ADAMTS20: variants seen among roughly 807,000 people sequenced by gnomAD.
The protein encoded by ADAMTS20 is ADAM metallopeptidase with thrombospondin type 1 motif 20, also known as A disintegrin and metalloproteinase with thrombospondin motifs 20.
In ADAMTS20, 225 loss-of-function variants were observed where a neutral mutation model predicts 260.1. That is an observed-to-expected ratio of 0.87 (90% CI 0.78 to 0.97). ADAMTS20 has a LOEUF of 0.97. Among genes scored for constraint, ADAMTS20 ranks in the 50% least tolerant of loss-of-function variants. The pLI, the probability that ADAMTS20 is intolerant of heterozygous loss-of-function variation, is 0.00. For synonymous variants in ADAMTS20, 802 were observed against 769.5 expected (o/e 1.04, Z -0.70); for missense variants, 2,400 against 2,337.7 (o/e 1.03, Z -0.55).
chr12:43,471,154 C>A (rs984851690), intron 7 of ADAMTS20, among the ~76,000 whole-genome samples: 3 of 152,088 alleles, frequency 2.0e-5, no homozygotes, highest in Non-Finnish European at 4.4e-5. Flanking sequence ...CGAAGCAGGG[C>A]GAGGCATTGC....
intron 7 of ADAMTS20, among the ~76,000 whole-genome samples, chr12:43,489,533 T>G (rs138687991): frequency 9.5e-4 from 144 of 151,902 alleles, no homozygotes; most frequent in African/African-American, 3.2e-3. Flanking sequence ...AAAAGAAAAT[T>G]CTAATGGTAA....
At chr12:43,376,355 T>A (rs1294415231) in intron 33 of ADAMTS20, 25 bp from the exon 34 acceptor site, 1 of 1,512,904 alleles carries the variant, frequency 6.6e-7, no homozygotes, top group East Asian at 2.5e-5. Flanking sequence ...TAACACAACT[T>A]AACACAGAGC....
chr12:43,452,599 C>G lies in ADAMTS20; in HGVS notation c.1857G>C (p.Glu619Asp). 1 of 1,613,506 alleles carries G rather than the reference C, an allele frequency of 6.2e-7. No individual in the cohort carries two copies. The highest frequency in any genetic ancestry group is 8.5e-7 in the Non-Finnish European group (1 of 1,179,720). ...SCPKGTQDFR[E>D]KQCSDFNGKH... ...TACCATTAAAATCAGAGCACTGCTT[C>G]TCTCGAAAGTCTTGTGTGCCTTTTG... Residue 619 changes from glutamate to aspartate, a missense_variant, in exon 13 of 39, where the codon GAG (glutamate) becomes GAC (aspartate). Physicochemically the swap from Glu to Asp is conservative, Grantham distance 45. Transcript: ENST00000389420.
intron 36 of ADAMTS20, among the ~76,000 whole-genome samples, chr12:43,371,080 C>G (rs986303960): frequency 2.0e-5 from 3 of 152,212 alleles, no homozygotes; most frequent in Non-Finnish European, 4.4e-5. Context: ...CACTGTTCTT[C>G]ATGATCTGCT....
At position 43,432,506 on chromosome 12, in the gene ADAMTS20, A is replaced by G. The variant is rs373864763; in HGVS notation, c.2932-38T>C. 4.3e-5 allele frequency: 68 copies of G among 1,593,992 alleles called. No homozygotes were observed. The East Asian group carries it at 5.6e-4, about 13-fold the overall frequency. ...AAAAAAGTGGTAACTAATGGAAAAA[A>G]ATCAGATTTTCAACAAAATTATACT... On this transcript the variant is annotated intron_variant, in intron 20 of 38. Transcript: ENST00000389420.
chr12:43,497,625 T>C (rs1444757385), intron 4 of ADAMTS20, among the ~76,000 whole-genome samples: 1 of 152,148 alleles, frequency 6.6e-6, no homozygotes, highest in Non-Finnish European at 1.5e-5. Context: ...ACCTGAAGTA[T>C]GAAAGCATAT....
At chr12:43,385,552 G>C (rs1385643351) in intron 29 of ADAMTS20, among the ~76,000 whole-genome samples, 2 of 152,058 alleles carry the variant, frequency 1.3e-5, no homozygotes, top group Non-Finnish European at 2.9e-5. Flanking sequence ...GTATTTCCTA[G>C]GTTTTCTTTT....
chr12:43,471,728 T>C lies in ADAMTS20; in HGVS notation c.1118-3023A>G, dbSNP rs1345418501. On this transcript the variant is annotated intron_variant, in intron 7 of 38. Transcript: ENST00000389420. Reference sequence around the variant, plus strand: ...GAGGCACCCCCCAGCAGGGGCACACTGACACCTCACATGGCAGGGTATTCC... The same window carrying C: ...GAGGCACCCCCCAGCAGGGGCACACCGACACCTCACATGGCAGGGTATTCC... Among the ~76,000 whole-genome samples the C allele has an allele frequency of 4.2e-5, 6 of 143,934 alleles. No individual in the cohort carries two copies. In the South Asian group the frequency reaches 9.6e-4, roughly 23 times the overall value. 94.4% of individuals were successfully genotyped at this position (143,934 alleles called of 152,430 possible). A position where few individuals can be genotyped will look rare whatever the true frequency, so the allele number is the denominator to read the frequency against.
At chr12:43,436,159 A>T (rs964917786) in intron 18 of ADAMTS20, among the ~76,000 whole-genome samples, 1 of 152,258 alleles carries the variant, frequency 6.6e-6, no homozygotes, top group African/African-American at 2.4e-5. Flanking sequence ...TATTTAACAG[A>T]GCCAAGGAAT....
chr12:43,369,163 G>T (rs779821421), intron 37 of ADAMTS20, 127 bp downstream of exon 37: 2 of 495,066 alleles, frequency 4.0e-6, no homozygotes, highest in Non-Finnish European at 6.6e-6. Context: ...GAAACAAAGC[G>T]CATATGTGAA....
intron 37 of ADAMTS20, among the ~76,000 whole-genome samples, chr12:43,364,656 T>C (rs1939944145): frequency 1.3e-5 from 2 of 152,000 alleles, no homozygotes; most frequent in Non-Finnish European, 2.9e-5. Flanking sequence ...GGGATGTTAA[T>C]GATGCAATCT....
intron 7 of ADAMTS20, among the ~76,000 whole-genome samples, chr12:43,487,734 C>T (rs901427197): frequency 7.9e-5 from 12 of 151,954 alleles, no homozygotes; most frequent in African/African-American, 2.9e-4. Context: ...TCTAAAACTT[C>T]CACAGATGAA....
At chr12:43,543,662 T>C (rs1041646551) in intron 2 of ADAMTS20, among the ~76,000 whole-genome samples, 3 of 152,300 alleles carry the variant, frequency 2.0e-5, no homozygotes, top group Admixed American at 1.3e-4. Context: ...AAGATGAGTA[T>C]GTTTGATGCG....
intron 36 of ADAMTS20, among the ~76,000 whole-genome samples, chr12:43,372,675 A>G (rs1161145268): frequency 2.0e-5 from 3 of 152,212 alleles, no homozygotes; most frequent in Non-Finnish European, 4.4e-5. Context: ...GAGAGAGATT[A>G]GGAAATATGC....
chr12:43,354,611 G>T (rs773900308), intron 38 of ADAMTS20, among the ~76,000 whole-genome samples: 3 of 151,946 alleles, frequency 2.0e-5, no homozygotes, highest in Non-Finnish European at 2.9e-5. Context: ...TTTTCATCTA[G>T]GTATGTATTT....
At chr12:43,469,593 T>C (rs980932655) in intron 7 of ADAMTS20, among the ~76,000 whole-genome samples, 3 of 152,028 alleles carry the variant, frequency 2.0e-5, no homozygotes, top group Non-Finnish European at 4.4e-5. Flanking sequence ...TGTAAATTTA[T>C]CTGCTTTCCT....
chr12:43,373,668 CTCTTTTTT>C (rs1940154530), intron 36 of ADAMTS20, among the ~76,000 whole-genome samples: 2 of 128,058 alleles, frequency 1.6e-5, no homozygotes, highest in Non-Finnish European at 3.2e-5. Context: ...GAAATATCAT[CTCTTTTTT>C]TTTTTTTTTT....
chr12:43,367,277 T>G (rs892699042), intron 37 of ADAMTS20, among the ~76,000 whole-genome samples: 2 of 151,972 alleles, frequency 1.3e-5, no homozygotes, highest in African/African-American at 4.8e-5. Flanking sequence ...ACTACAAATA[T>G]GAATGAAATA....
intron 29 of ADAMTS20, among the ~76,000 whole-genome samples, chr12:43,398,655 T>C (rs1209998681): frequency 1.2e-4 from 18 of 152,190 alleles, no homozygotes; most frequent in Admixed American, 1.2e-3. Context: ...ACTATTATGA[T>C]TATCAGTAGC....
Sources: allele counts gnomAD v4.1 joint callset (sites outside exome capture counted in the v4.1 genomes callset), GRCh38; gene constraint gnomAD v4.1.1; transcripts MANE v1.5; gene names NCBI Gene and HGNC (gene_info 2026-07-23, HGNC 2026-07-21).